The following CTR9 variants were observed in gnomAD, a reference collection of about 807,000 sequenced individuals.
The protein encoded by CTR9 is CTR9 component of Paf1/RNA polymerase II complex.
Under a neutral mutation model 152.1 loss-of-function variants are expected in CTR9, and 41 were observed. The ratio of observed to expected loss-of-function variants is 0.27; its 90% CI spans 0.21 to 0.35. The LOEUF (loss-of-function observed/expected upper bound fraction) is 0.35, where lower values mean the gene tolerates loss of function less well. Among genes scored for constraint, CTR9 ranks in the 10% least tolerant of loss-of-function variants. The pLI, the probability that CTR9 is intolerant of heterozygous loss-of-function variation, is 1.00. For synonymous variants in CTR9, 476 were observed against 496.2 expected (o/e 0.96, Z 0.54); for missense variants, 917 against 1,424.4 (o/e 0.64, Z 5.73).
chr11:10,770,727 T>A, intron 18 of CTR9, 95 bp downstream of exon 18: 2 of 1,174,986 alleles, frequency 1.7e-6, no homozygotes, highest in Non-Finnish European at 2.3e-6. Flanking sequence ...ATGCTTTGTT[T>A]AAAGCTATTT....
At chr11:10,775,361 A>C in intron 23 of CTR9, 58 bp downstream of exon 23, 2 of 1,465,538 alleles carry the variant, frequency 1.4e-6, no homozygotes, top group Non-Finnish European at 1.9e-6. Context: ...ATTGCAGTAC[A>C]CTAGAATACA....
intron 12 of CTR9, chr11:10,766,192 A>G (rs1163862718): frequency 1.9e-6 from 1 of 520,468 alleles, no homozygotes; most frequent in Non-Finnish European, 3.3e-6. Context: ...GGCAGAGGTA[A>G]GTCTTAGATT....
chr11:10,776,117 C>T (rs772792305), intron 24 of CTR9, among the ~76,000 whole-genome samples: 6 of 151,990 alleles, frequency 3.9e-5, no homozygotes, highest in Non-Finnish European at 8.8e-5. Flanking sequence ...GACGGAGTTT[C>T]GCTCTTGTTG....
In CTR9 at chr11:10,771,594, G is replaced by C; in HGVS notation, c.2422G>C (p.Ala808Pro). The change falls in exon 19 of 25, where the codon GCC becomes CCC. Residue 808 changes from alanine (A) to proline (P), a missense_variant. Ala to Pro is a conservative substitution (Grantham distance 27, BLOSUM62 -1). Coordinates refer to ENST00000361367, the MANE Select transcript of CTR9 (RefSeq NM_014633.5). ...KVGDKMRFDL[A>P]LAATEARQCS... Reference sequence around the variant, plus strand: ...GGGAGATAAAATGAGATTTGATTTGGCCCTTGCTGCTACAGAAGCCAGGTA... The same window carrying C: ...GGGAGATAAAATGAGATTTGATTTGCCCCTTGCTGCTACAGAAGCCAGGTA... The C allele has an allele frequency of 6.2e-7, 1 of 1,612,642 alleles. No individual in the cohort carries two copies. The highest frequency in any genetic ancestry group is 8.5e-7 in the Non-Finnish European group (1 of 1,178,802).
Position 10,774,182 on chromosome 11 carries a change from T to C in CTR9, c.2885+13T>C, listed in dbSNP as rs775488744. 46 of 1,601,222 alleles carry C rather than the reference T, an allele frequency of 2.9e-5. No individual in the cohort carries two copies. The highest frequency in any genetic ancestry group is 3.8e-5 in the Non-Finnish European group (45 of 1,175,564). ...AAAAGAGGAGAAGGTAATGTCATCA[T>C]TAATGTGCTTTAAGTAACCTCATAA... On this transcript the variant is annotated intron_variant, in intron 22 of 24. Transcript: ENST00000361367.
At chr11:10,773,376 A>T in intron 21 of CTR9, 103 bp downstream of exon 21, 1 of 1,395,582 alleles carries the variant, frequency 7.2e-7, no homozygotes, top group South Asian at 1.3e-5. Context: ...ACTAGTTTTG[A>T]CTTCCTCTTT....
chr11:10,769,088 G>GAT (rs1863103121), intron 16 of CTR9, among the ~76,000 whole-genome samples: 1 of 152,112 alleles, frequency 6.6e-6, no homozygotes, highest in Admixed American at 6.5e-5. Flanking sequence ...GGGCATGGTA[G>GAT]CACGTGCCTG....
chr11:10,764,011 A>G (rs911705653), intron 9 of CTR9, 101 bp from the exon 10 acceptor site: 1 of 1,368,408 alleles, frequency 7.3e-7, no homozygotes, highest in Admixed American at 1.9e-5. Context: ...CAGTTTAGAT[A>G]ACAAACAATG....
intron 21 of CTR9, among the ~76,000 whole-genome samples, chr11:10,773,576 C>T (rs1284719794): frequency 6.6e-6 from 1 of 152,056 alleles, no homozygotes; most frequent in Non-Finnish European, 1.5e-5. Context: ...GAACCTCTTC[C>T]ACGTGGCTTA....
chr11:10,773,207 T>C lies in CTR9; in HGVS notation c.2661T>C (p.Asn887=). 1.9e-6 allele frequency: 3 copies of C among 1,613,146 alleles called. No individual in the cohort carries two copies. Among genetic ancestry groups the C allele is most frequent in the Non-Finnish European group, 2.5e-6 (3 of 1,179,816 alleles). ...CCCAGTATGTGGAGAAGACCAAAAA[T>C]ATTCTTATGTTTACTGGTGAGACTG... ...QRAQYVEKTK[N]ILMFTGETEA... The change falls in exon 21 of 25, where the codon AAT becomes AAC. Residue 887 remains asparagine (N), a synonymous_variant. Transcript: ENST00000361367.
At position 10,767,816 on chromosome 11, in the gene CTR9, A is replaced by G; in HGVS notation, c.1697A>G (p.Asp566Gly). The stretch of plus-strand genomic sequence containing the variant: ...GTATGTATGTTTCAGGATCATCCAG[A>G]TGCTTGGTCTTTGATTGGCAATCTT... ...EALQINQDHP[D>G]AWSLIGNLHL... Residue 566 changes from aspartate (D) to glycine (G), a missense_variant, in exon 14 of 25, where the codon GAT becomes GGT. This residue lies in a region of CTR9 where 87 missense variants were observed against 235.7 expected (regional missense o/e 0.37). Transcript: ENST00000361367. This position sits in a 1 kb window ranked among gnomAD's most constrained non-coding sequence, Gnocchi z 4.0. 3.7e-6 allele frequency: 6 copies of G among 1,614,062 alleles called. No individual in the cohort carries two copies. Among genetic ancestry groups the G allele is most frequent in the Non-Finnish European group, 5.1e-6 (6 of 1,179,978 alleles).
At chr11:10,762,161 T>C (rs1564967385) in intron 7 of CTR9, 107 bp downstream of exon 7, 4 of 714,342 alleles carry the variant, frequency 5.6e-6, no homozygotes, top group Admixed American at 3.1e-5. Flanking sequence ...TCAGATTTTT[T>C]CCCCCCTCCA....
chr11:10,774,257 A>G, intron 22 of CTR9, 88 bp downstream of exon 22: 2 of 1,451,444 alleles, frequency 1.4e-6, no homozygotes, highest in Non-Finnish European at 1.8e-6. Flanking sequence ...TTTAGAATTG[A>G]TGAACACTTG....
In CTR9 at chr11:10,779,103, T is replaced by C. The variant is rs368567887; in HGVS notation, c.3520T>C (p.Ter1174GlnextTer6). Reference sequence around the variant, plus strand: ...AGAACATGGGTCAGATGATAGTGACTAGGTTTTATTTCATCAATAAGCTTC... The same window carrying C: ...AGAACATGGGTCAGATGATAGTGACCAGGTTTTATTTCATCAATAAGCTTC... ...GSEHGSDDSD* is the reference protein window; with the variant it reads ...GSEHGSDDSDQ The change falls in exon 25 of 25, where the codon TAG becomes CAG. Residue 1174 changes from the stop codon to glutamine (Q), a stop_lost. Coordinates refer to ENST00000361367, the MANE Select transcript of CTR9 (RefSeq NM_014633.5). The C allele has an allele frequency of 6.3e-6, 10 of 1,594,456 alleles. No homozygotes were observed. Among genetic ancestry groups the C allele is most frequent in the African/African-American group, 4.0e-5 (3 of 74,124 alleles).
chr11:10,760,274 G>A lies in CTR9; in HGVS notation c.694G>A (p.Val232Met), dbSNP rs754637023. ...SRALELNSKC[V>M]GALVGLAVLE... ...AGCCCTGGAACTCAATTCCAAATGC[G>A]TGGGAGCATTGGTTGGACTGGCTGT... Residue 232 changes from valine (V) to methionine (M), a missense_variant, in exon 6 of 25, where the codon GTG (valine) becomes ATG (methionine). Transcript: ENST00000361367. 4 of 1,613,984 alleles carry A rather than the reference G, an allele frequency of 2.5e-6. No individual in the cohort carries two copies. Among genetic ancestry groups the A allele is most frequent in the Non-Finnish European group, 2.5e-6 (3 of 1,179,866 alleles).
chr11:10,762,009 C>T lies in CTR9; in HGVS notation c.804C>T (p.Asn268=), dbSNP rs1171517168. The change falls in exon 7 of 25, where the codon AAC becomes AAT. Residue 268 remains asparagine, a synonymous_variant. Coordinates refer to ENST00000361367, the MANE Select transcript of CTR9 (RefSeq NM_014633.5). ...GAGCCTATACTATTGATCCTAGCAACCCTATGGTATTGAACCATTTGGCAA... is the reference window on the plus strand; with the variant it reads ...GAGCCTATACTATTGATCCTAGCAATCCTATGGTATTGAACCATTTGGCAA... ...LSRAYTIDPS[N]PMVLNHLANH... is the part of the protein sequence containing the mutation. The T allele has an allele frequency of 1.8e-5, 29 of 1,610,582 alleles. No homozygotes were observed. The highest frequency in any genetic ancestry group is 2.3e-5 in the Non-Finnish European group (27 of 1,178,720).
chr11:10,760,418 A>C (rs2135363275), intron 6 of CTR9, 97 bp downstream of exon 6: 1 of 1,109,564 alleles, frequency 9.0e-7, no homozygotes, highest in South Asian at 1.5e-5. Context: ...TTAGAAATTA[A>C]GATTACAGAT....
At chr11:10,761,301 G>T (rs187032528) in intron 6 of CTR9, among the ~76,000 whole-genome samples, 1 of 152,108 alleles carries the variant, frequency 6.6e-6, no homozygotes, top group African/African-American at 2.4e-5. Flanking sequence ...CCTGGGGAAG[G>T]GGGGAAGGGA....
At chr11:10,766,213 A>T in intron 12 of CTR9, 189 bp from the exon 13 acceptor site, 1 of 560,298 alleles carries the variant, frequency 1.8e-6, no homozygotes, top group Non-Finnish European at 3.1e-6. Context: ...TCAAACAGTA[A>T]GTCTAGATGG....
Sources: allele counts gnomAD v4.1 joint callset (sites outside exome capture counted in the v4.1 genomes callset), GRCh38; gene constraint gnomAD v4.1.1; regional missense constraint gnomAD v4.1.1; non-coding constraint Gnocchi (gnomAD v3.1); transcripts MANE v1.5; gene names NCBI Gene and HGNC (gene_info 2026-07-23, HGNC 2026-07-21).